The following FMN1 variants were observed in gnomAD, a reference collection of about 807,000 sequenced individuals.
The protein encoded by FMN1 is formin 1.
Under a neutral mutation model 132.4 loss-of-function variants are expected in FMN1, and 110 were observed. The ratio of observed to expected loss-of-function variants is 0.83; its 90% CI spans 0.71 to 0.97. The LOEUF is 0.97. Among genes scored for constraint, FMN1 ranks in the 50% least tolerant of loss-of-function variants. The probability of loss-of-function intolerance (pLI) is 0.00; values close to 1 mark genes in which losing one functional copy is unlikely to be tolerated. For synonymous variants in FMN1, 722 were observed against 651.7 expected (o/e 1.11, Z -1.64); for missense variants, 1,792 against 1,705.3 (o/e 1.05, Z -0.90).
At chr15:32,961,194 G>A (rs937042995) in intron 9 of FMN1, among the ~76,000 whole-genome samples, 14 of 149,094 alleles carry the variant, frequency 9.4e-5, no homozygotes, top group African/African-American at 2.8e-4. Context: ...GGTGCAATGC[G>A]GCAATCTCAG....
At chr15:33,145,374 T>G (rs1964175498) in intron 4 of FMN1, among the ~76,000 whole-genome samples, 1 of 151,848 alleles carries the variant, frequency 6.6e-6, no homozygotes, top group Non-Finnish European at 1.5e-5. Context: ...ACACCGTGCT[T>G]CCATAGCACC....
chr15:32,957,218 G>A (rs1390011425), intron 9 of FMN1, among the ~76,000 whole-genome samples: 1 of 151,040 alleles, frequency 6.6e-6, no homozygotes, highest in East Asian at 2.0e-4. Flanking sequence ...AAAAAAGGAG[G>A]AATATTGGCA....
chr15:33,038,417 T>G (rs777024350), intron 6 of FMN1, among the ~76,000 whole-genome samples: 1 of 152,230 alleles, frequency 6.6e-6, no homozygotes, highest in African/African-American at 2.4e-5. Flanking sequence ...TCAATTTTAT[T>G]TTTTTCCATG....
chr15:32,928,862 A>G (rs2061028972), intron 9 of FMN1, among the ~76,000 whole-genome samples: 1 of 152,244 alleles, frequency 6.6e-6, no homozygotes, highest in South Asian at 2.1e-4. Context: ...GGTAATGTAC[A>G]AATGCACATT....
chr15:33,067,817 A>T (rs1196341475), intron 5 of FMN1: 1 of 1,614,020 alleles, frequency 6.2e-7, no homozygotes, highest in East Asian at 2.2e-5. Flanking sequence ...AGCCACTTCA[A>T]GTCCGGCTTC....
intron 5 of FMN1, among the ~76,000 whole-genome samples, chr15:33,087,285 G>T (rs1566903940): frequency 6.6e-6 from 1 of 152,208 alleles, no homozygotes; most frequent in Admixed American, 6.5e-5. Context: ...GGTGGCTCAC[G>T]CCTGTAATCC....
intron 17 of FMN1, among the ~76,000 whole-genome samples, chr15:32,852,158 C>T (rs1051086181): frequency 4.6e-5 from 7 of 152,142 alleles, no homozygotes; most frequent in African/African-American, 1.4e-4. Flanking sequence ...TCTACCTGCG[C>T]GTCTCACATG....
intron 10 of FMN1, among the ~76,000 whole-genome samples, chr15:32,919,065 G>A (rs79399371): frequency 0.063 from 9,636 of 152,224 alleles, 434 homozygotes; most frequent in Middle Eastern, 0.15. Context: ...TAGTCTGTAT[G>A]TCAGCAGGTC....
chr15:32,919,746 C>A (rs2060775463), intron 10 of FMN1, among the ~76,000 whole-genome samples: 1 of 152,146 alleles, frequency 6.6e-6, no homozygotes, highest in African/African-American at 2.4e-5. Flanking sequence ...GAGATTGTTC[C>A]TCAGGAAAGT....
intron 9 of FMN1, among the ~76,000 whole-genome samples, chr15:32,962,646 G>GA (rs1884159940): frequency 1.3e-5 from 2 of 149,710 alleles, no homozygotes; most frequent in African/African-American, 5.0e-5. Flanking sequence ...AAATTTACAA[G>GA]AAAAAAACAA....
chr15:32,849,556 C>T (rs570618471), intron 17 of FMN1, among the ~76,000 whole-genome samples: 5 of 149,282 alleles, frequency 3.3e-5, no homozygotes, highest in Non-Finnish European at 5.9e-5. Context: ...AAACCGACTT[C>T]GGGGGAAAAC....
chr15:32,884,593 G>C (rs570316991), intron 16 of FMN1, among the ~76,000 whole-genome samples: 4 of 152,256 alleles, frequency 2.6e-5, no homozygotes, highest in African/African-American at 9.6e-5. Context: ...GACATCCTTG[G>C]GGGGCATTAT....
intron 3 of FMN1, among the ~76,000 whole-genome samples, chr15:33,158,722 C>T (rs1364589212): frequency 2.0e-5 from 3 of 152,176 alleles, no homozygotes; most frequent in African/African-American, 7.2e-5. Flanking sequence ...AAGCTACTTA[C>T]TTATACTTGT....
chr15:32,805,270 A>AT (rs1407784275), intron 17 of FMN1, among the ~76,000 whole-genome samples: 2 of 152,212 alleles, frequency 1.3e-5, no homozygotes, highest in Admixed American at 1.3e-4. Flanking sequence ...GATGATGAGC[A>AT]TTTTTTCATG....
chr15:33,067,664 G>T (rs1270599559), intron 5 of FMN1: 4 of 1,613,892 alleles, frequency 2.5e-6, no homozygotes, highest in East Asian at 2.2e-5. Context: ...GCCATTGCTG[G>T]AATCATCCTG....
Position 32,898,886 on chromosome 15 carries a change from C to A in FMN1, c.3662G>T (p.Gly1221Val), listed in dbSNP as rs778442732. The A allele has an allele frequency of 1.3e-6, 2 of 1,588,924 alleles. No individual in the cohort carries two copies. Among genetic ancestry groups the A allele is most frequent in the South Asian group, 2.2e-5 (2 of 89,308 alleles). The change falls in exon 15 of 21, where the codon GGG (glycine) becomes GTG (valine). Residue 1221 changes from glycine (G) to valine (V), a missense_variant. Gly to Val is a moderately radical substitution (Grantham distance 109, BLOSUM62 -3). Coordinates refer to ENST00000616417, the MANE Select transcript of FMN1 (RefSeq NM_001277313.2). ...AACAACGTAGTCCACCAGATTAATCCCATTATCCTAGGTTTAAAAGAGAAA... is the reference window on the plus strand; with the variant it reads ...AACAACGTAGTCCACCAGATTAATCACATTATCCTAGGTTTAAAAGAGAAA... ...KLKDVKSRDN[G>V]INLVDYVVKY...
At chr15:32,804,826 C>T (rs1371709461) in intron 17 of FMN1, among the ~76,000 whole-genome samples, 1 of 152,124 alleles carries the variant, frequency 6.6e-6, no homozygotes, top group African/African-American at 2.4e-5. Context: ...CGTGTCCCTG[C>T]AAAGGGCATG....
At chr15:33,047,914 C>A (rs983928508) in intron 6 of FMN1, among the ~76,000 whole-genome samples, 9 of 152,064 alleles carry the variant, frequency 5.9e-5, no homozygotes, top group Non-Finnish European at 1.2e-4. Flanking sequence ...AAAAATCTTA[C>A]AACTATTGGA....
intron 2 of FMN1, among the ~76,000 whole-genome samples, chr15:33,184,135 A>G (rs1047393793): frequency 3.3e-5 from 5 of 152,232 alleles, no homozygotes; most frequent in Non-Finnish European, 5.9e-5. Flanking sequence ...ATTCATTTTT[A>G]TAAAAGCATT....
Sources: allele counts gnomAD v4.1 joint callset (sites outside exome capture counted in the v4.1 genomes callset), GRCh38; gene constraint gnomAD v4.1.1; transcripts MANE v1.5; gene names NCBI Gene and HGNC (gene_info 2026-07-23, HGNC 2026-07-21).